Variants in NOS1 observed in about 807,000 individuals in gnomAD.
NOS1 encodes the protein nitric oxide synthase 1.
A neutral mutation model predicts 164.5 loss-of-function variants in NOS1; 51 were observed. The observed-to-expected ratio is 0.31, with a 90% confidence interval of 0.25 to 0.39. The LOEUF (loss-of-function observed/expected upper bound fraction) is 0.39. Among genes scored for constraint, NOS1 ranks in the 10% least tolerant of loss-of-function variants. The pLI is 1.00. For missense variants in NOS1, 1,362 were observed against 1,885.6 expected, an observed-to-expected ratio of 0.72 and a Z score of 5.14; for synonymous variants, 719 against 745.8, an observed-to-expected ratio of 0.96 and a Z score of 0.59.
At chr12:117,241,141 C>G (rs146055508) in intron 20 of NOS1, among the ~76,000 whole-genome samples, 1 of 151,762 alleles carries the variant, frequency 6.6e-6, no homozygotes, top group Non-Finnish European at 1.5e-5. Flanking sequence ...GGTTTCACCA[C>G]GTTGGTCAGG....
At chr12:117,310,623 C>T (rs1420949356) in intron 3 of NOS1, among the ~76,000 whole-genome samples, 1 of 151,998 alleles carries the variant, frequency 6.6e-6, no homozygotes, top group Non-Finnish European at 1.5e-5. Flanking sequence ...AGCTTTTCAT[C>T]ATGTATCTTT....
intron 3 of NOS1, among the ~76,000 whole-genome samples, chr12:117,293,581 C>A (rs1003559849): frequency 1.9e-4 from 29 of 152,052 alleles, no homozygotes; most frequent in African/African-American, 6.7e-4. Context: ...ACTACTAGCC[C>A]AATTTACAGT....
At chr12:117,298,268 G>A (rs1400494093) in intron 3 of NOS1, among the ~76,000 whole-genome samples, 1 of 152,000 alleles carries the variant, frequency 6.6e-6, no homozygotes, top group Non-Finnish European at 1.5e-5. Flanking sequence ...GCAGTTCACA[G>A]TAGGGTACGA....
chr12:117,331,178 G>A lies in NOS1; in HGVS notation c.-109C>T. 1 of 1,389,624 alleles carries A rather than the reference G, an allele frequency of 7.2e-7. No homozygotes were observed. Among genetic ancestry groups the A allele is most frequent in the Non-Finnish European group, 9.8e-7 (1 of 1,024,732 alleles). 86.1% of individuals were successfully genotyped at this position (1,389,624 alleles called of 1,614,324 possible). A position where few individuals can be genotyped will look rare whatever the true frequency, so the allele number is the denominator to read the frequency against. ...CAGGCTACACGGAGAGCAGGAGCCG[G>A]GGTGACAGGTGCTGACAAGGCTTCA... On this transcript the variant is annotated 5_prime_UTR_variant, in exon 2 of 29. Transcript: ENST00000317775.
At chr12:117,266,153 T>C (rs1017529579) in intron 11 of NOS1, among the ~76,000 whole-genome samples, 8 of 152,034 alleles carry the variant, frequency 5.3e-5, no homozygotes, top group Non-Finnish European at 1.2e-4. Context: ...AGGTGGTGCT[T>C]GGTGACATGA....
chr12:117,236,818 C>G (rs553126832), intron 20 of NOS1, among the ~76,000 whole-genome samples: 1 of 152,318 alleles, frequency 6.6e-6, no homozygotes, highest in South Asian at 2.1e-4. Flanking sequence ...AGCTAGCTCA[C>G]GAGCACAGCC....
In NOS1 at chr12:117,234,377, G is replaced by A. The variant is rs1374358017; in HGVS notation, c.3235+188C>T. On this transcript the variant is annotated intron_variant, in intron 21 of 28. Transcript: ENST00000317775. The surrounding 1 kb of genome is among the most constrained non-coding windows in gnomAD (Gnocchi z 4.3). Reference sequence around the variant, plus strand: ...GGCCTGGCACTATGTGCATTTATTTGCTCAGCTGGTTGGGCCAAGGTTGAT... The same window carrying A: ...GGCCTGGCACTATGTGCATTTATTTACTCAGCTGGTTGGGCCAAGGTTGAT... 6.6e-6 allele frequency among the ~76,000 whole-genome samples: 1 copy of A among 152,180 alleles called. No homozygotes were observed. Among genetic ancestry groups the A allele is most frequent in the Non-Finnish European group, 1.5e-5 (1 of 68,042 alleles).
At position 117,214,652 on chromosome 12, in the gene NOS1, G is replaced by C. The variant is rs1186513359; in HGVS notation, c.*657C>G. 1 of 985,238 alleles carries C rather than the reference G, an allele frequency of 1.0e-6. No individual in the cohort carries two copies. Among genetic ancestry groups the C allele is most frequent in the Non-Finnish European group, 1.2e-6 (1 of 829,946 alleles). 61.0% of individuals were successfully genotyped at this position (985,238 alleles called of 1,614,324 possible). A position where few individuals can be genotyped will look rare whatever the true frequency, so the allele number is the denominator to read the frequency against. On this transcript the variant is annotated 3_prime_UTR_variant, in exon 29 of 29. Coordinates refer to ENST00000317775, the MANE Select transcript of NOS1 (RefSeq NM_000620.5). ...CCATGCCCTGAACCCTTTCTAACTAGAACAATTATGGGGCTTCCAAATGTT... is the reference window on the plus strand; with the variant it reads ...CCATGCCCTGAACCCTTTCTAACTACAACAATTATGGGGCTTCCAAATGTT...
chr12:117,323,436 G>C (rs1875083949), intron 2 of NOS1, among the ~76,000 whole-genome samples: 2 of 152,224 alleles, frequency 1.3e-5, no homozygotes, highest in South Asian at 2.1e-4. Context: ...CAGAAAGTCA[G>C]TAGAGGCCAA....
intron 11 of NOS1, among the ~76,000 whole-genome samples, chr12:117,266,412 T>A (rs911785635): frequency 1.3e-5 from 2 of 152,206 alleles, no homozygotes; most frequent in Non-Finnish European, 2.9e-5. Flanking sequence ...TCCATTCCCA[T>A]CCAGGTTGCT....
At chr12:117,335,758 G>GAGAGAGAGAGAGAGAGAGAGAGAGAC (rs1875786379) in intron 1 of NOS1, among the ~76,000 whole-genome samples, 1 of 150,922 alleles carries the variant, frequency 6.6e-6, no homozygotes, top group African/African-American at 2.5e-5. Context: ...GAGAGAGAGA[G>GAGAGAGAGAGAGAGAGAGAGAGAGAC]AGAGAGAGAG....
chr12:117,218,224 G>C (rs1956642048), intron 27 of NOS1, 60 bp from the exon 28 acceptor site: 1 of 1,250,994 alleles, frequency 8.0e-7, no homozygotes, highest in African/African-American at 1.5e-5. Flanking sequence ...CTTGGAGCAG[G>C]GGCAGACTTG....
rs530704365 is a variant in NOS1 at position 117,302,322 on chromosome 12, C to T, written c.852+9144G>A. Reference sequence around the variant, plus strand: ...ATTAATAATTAGTTGTCGGCCGGCGCGGTGGCTCACGCCTGTAATCCCAGC... The same window carrying T: ...ATTAATAATTAGTTGTCGGCCGGCGTGGTGGCTCACGCCTGTAATCCCAGC... On this transcript the variant is annotated intron_variant, in intron 3 of 28. Transcript: ENST00000317775. 5.3e-5 allele frequency among the ~76,000 whole-genome samples: 8 copies of T among 152,188 alleles called. 1 individual carries two copies. Among genetic ancestry groups the T allele is most frequent in the Middle Eastern group, 3.4e-3 (1 of 294 alleles).
At chr12:117,256,171 G>A (rs1166036918) in intron 16 of NOS1, 16 of 445,572 alleles carry the variant, frequency 3.6e-5, no homozygotes, top group Middle Eastern at 5.7e-4. Context: ...GGAGTTGGGC[G>A]TAGAACGAGG....
chr12:117,354,170 C>T (rs947189534), intron 1 of NOS1, among the ~76,000 whole-genome samples: 1 of 152,042 alleles, frequency 6.6e-6, no homozygotes, highest in South Asian at 2.1e-4. Flanking sequence ...GAAGAAGGGA[C>T]CCTCAAGAAA....
At position 117,220,103 on chromosome 12, in the gene NOS1, T is replaced by C. The variant is rs1956678361; in HGVS notation, c.4142A>G (p.Asp1381Gly). Reference sequence around the variant, plus strand: ...CATCCGGCTGATGAATACGCCGGCGTCCTCTGCCGAGAGCTTCCCCTGCTG... The same window carrying C: ...CATCCGGCTGATGAATACGCCGGCGCCCTCTGCCGAGAGCTTCCCCTGCTG... ...MTQQGKLSAE[D>G]AGVFISRMRD... The change falls in exon 27 of 29, where the codon GAC (aspartate) becomes GGC (glycine). Residue 1381 changes from aspartate to glycine, a missense_variant. Asp to Gly is a moderately conservative substitution (Grantham distance 94). This residue lies in a region of NOS1 where 737 missense variants were observed against 1,030.3 expected (regional missense o/e 0.72). Coordinates refer to ENST00000317775, the MANE Select transcript of NOS1 (RefSeq NM_000620.5). 1 of 1,612,388 alleles carries C rather than the reference T, an allele frequency of 6.2e-7. No individual in the cohort carries two copies. The highest frequency in any genetic ancestry group is 1.7e-5 in the Admixed American group (1 of 59,770).
intron 10 of NOS1, among the ~76,000 whole-genome samples, chr12:117,269,098 A>T (rs61534168): frequency 0.023 from 3,530 of 152,254 alleles, 93 homozygotes; most frequent in African/African-American, 0.058. Flanking sequence ...GGAAGAAAAT[A>T]AGGAAATGGG....
intron 5 of NOS1, among the ~76,000 whole-genome samples, chr12:117,286,981 G>A (rs1011841018): frequency 2.4e-4 from 36 of 152,208 alleles, no homozygotes; most frequent in African/African-American, 7.0e-4. Flanking sequence ...TTGGGAGGCC[G>A]AGGAGGGTGG....
rs1956572393 is a variant in NOS1 at position 117,214,446 on chromosome 12, C to T, written c.*863G>A. ...GGAGGGGGTCAGTCAATGGATGTGGCAAAGTCAAGTGATTCTAGCTGGTAT... is the reference window on the plus strand; with the variant it reads ...GGAGGGGGTCAGTCAATGGATGTGGTAAAGTCAAGTGATTCTAGCTGGTAT... On this transcript the variant is annotated 3_prime_UTR_variant, in exon 29 of 29. Coordinates refer to ENST00000317775, the MANE Select transcript of NOS1 (RefSeq NM_000620.5). 6 of 977,136 alleles carry T rather than the reference C, an allele frequency of 6.1e-6. No individual in the cohort carries two copies. The African/African-American group carries it at 8.8e-5, about 14-fold the overall frequency. 60.5% of individuals were successfully genotyped at this position (977,136 alleles called of 1,614,324 possible).
Sources: allele counts gnomAD v4.1 joint callset (sites outside exome capture counted in the v4.1 genomes callset), GRCh38; gene constraint gnomAD v4.1.1; regional missense constraint gnomAD v4.1.1; non-coding constraint Gnocchi (gnomAD v3.1); transcripts MANE v1.5; gene names NCBI Gene and HGNC (gene_info 2026-07-23, HGNC 2026-07-21).